The following RNF220 variants were observed in gnomAD, a reference collection of about 807,000 sequenced individuals.
The protein encoded by RNF220 is E3 ubiquitin-protein ligase RNF220.
A neutral mutation model predicts 67.1 loss-of-function variants in RNF220; 7 were observed. The ratio of observed to expected loss-of-function variants is 0.10; its 90% CI spans 0.06 to 0.20. The LOEUF is 0.20. Among genes scored for constraint, RNF220 ranks in the 10% least tolerant of loss-of-function variants. RNF220 has a pLI of 1.00. For synonymous variants in RNF220, 270 were observed against 283.2 expected (o/e 0.95, Z 0.47); for missense variants, 565 against 740.3 (o/e 0.76, Z 2.75).
At chr1:44,483,683 G>A (rs142643854) in intron 2 of RNF220, among the ~76,000 whole-genome samples, 5 of 152,202 alleles carry the variant, frequency 3.3e-5, no homozygotes, top group African/African-American at 9.7e-5. Flanking sequence ...AGAACATAGC[G>A]GTGGCAGGCT....
At chr1:44,572,010 C>T (rs1664478348) in intron 2 of RNF220, among the ~76,000 whole-genome samples, 1 of 152,246 alleles carries the variant, frequency 6.6e-6, no homozygotes, top group African/African-American at 2.4e-5. Context: ...GGCCACATTG[C>T]CATCTCTCAC....
intron 2 of RNF220, among the ~76,000 whole-genome samples, chr1:44,454,629 T>A (rs989637180): frequency 3.3e-5 from 5 of 151,948 alleles, no homozygotes; most frequent in African/African-American, 1.2e-4. Flanking sequence ...TTTCAGTCTA[T>A]CTTTACTAAT....
chr1:44,608,342 A>G (rs542500152), intron 2 of RNF220, among the ~76,000 whole-genome samples: 2 of 152,316 alleles, frequency 1.3e-5, no homozygotes, highest in African/African-American at 4.8e-5. Context: ...ATTGTCTGGC[A>G]TCTGTGCTAT....
rs140691062 is a variant in RNF220 at position 44,624,972 on chromosome 1, C to T, written c.805-1325C>T. Among the ~76,000 whole-genome samples the T allele has an allele frequency of 3.5e-3, 527 of 151,490 alleles. 4 individuals are homozygous for T. Among genetic ancestry groups the T allele is most frequent in the African/African-American group, 0.012 (494 of 41,274 alleles). On this transcript the variant is annotated intron_variant, in intron 4 of 14. Transcript: ENST00000361799. The surrounding 1 kb of genome is among the most constrained non-coding windows in gnomAD (Gnocchi z 4.2). ...AAGCACCAGTGACCTTTTTTTATTC[C>T]GCTTGCCCCAGGTGTAATGCCGAGG...
intron 1 of RNF220, among the ~76,000 whole-genome samples, chr1:44,407,204 G>T (rs1411867051): frequency 6.6e-6 from 1 of 152,146 alleles, no homozygotes; most frequent in Non-Finnish European, 1.5e-5. Context: ...CACCGCACTC[G>T]CTGCCCACGA....
chr1:44,532,144 A>G (rs1660883912), intron 2 of RNF220, among the ~76,000 whole-genome samples: 1 of 152,078 alleles, frequency 6.6e-6, no homozygotes, highest in African/African-American at 2.4e-5. Flanking sequence ...CTTCACATAC[A>G]TTTATTATTA....
At chr1:44,501,457 G>T (rs929681449) in intron 2 of RNF220, among the ~76,000 whole-genome samples, 2 of 152,132 alleles carry the variant, frequency 1.3e-5, no homozygotes, top group African/African-American at 4.8e-5. Context: ...AGAAAGGCTG[G>T]GGATGGGTGA....
chr1:44,465,287 A>G (rs376616429), intron 2 of RNF220, among the ~76,000 whole-genome samples: 3 of 152,200 alleles, frequency 2.0e-5, no homozygotes. Context: ...TCTTCCTCCC[A>G]TAGTCACAAT....
chr1:44,579,617 C>T (rs1026552912), intron 2 of RNF220, among the ~76,000 whole-genome samples: 10 of 152,294 alleles, frequency 6.6e-5, no homozygotes, highest in East Asian at 3.9e-4. Flanking sequence ...GACACTCATC[C>T]GAGACAACCA....
chr1:44,586,560 C>T lies in RNF220; in HGVS notation c.626-27605C>T, dbSNP rs989298627. Among the ~76,000 whole-genome samples the T allele has an allele frequency of 7.2e-5, 11 of 152,106 alleles. No individual in the cohort carries two copies. The East Asian group carries it at 1.2e-3, about 16-fold the overall frequency. On this transcript the variant is annotated intron_variant, in intron 2 of 14. Coordinates refer to ENST00000361799, the MANE Select transcript of RNF220 (RefSeq NM_018150.4). Reference sequence around the variant, plus strand: ...ACAGCGATAAGAGCTCCATCCCAGACGGTGGGGAAGGAAATGAGGCGACAG... The same window carrying T: ...ACAGCGATAAGAGCTCCATCCCAGATGGTGGGGAAGGAAATGAGGCGACAG...
At chr1:44,472,754 A>G (rs767090865) in intron 2 of RNF220, among the ~76,000 whole-genome samples, 1 of 152,010 alleles carries the variant, frequency 6.6e-6, no homozygotes, top group Non-Finnish European at 1.5e-5. Flanking sequence ...AGAGGTGGGG[A>G]TATTTTGCTT....
chr1:44,569,518 A>T (rs1349137909), intron 2 of RNF220, among the ~76,000 whole-genome samples: 1 of 152,192 alleles, frequency 6.6e-6, no homozygotes, highest in Admixed American at 6.5e-5. Flanking sequence ...TATTCACTTT[A>T]CTAATTGAGC....
Position 44,411,986 on chromosome 1 carries a change from A to G in RNF220, c.-112A>G. 1 of 1,227,716 alleles carries G rather than the reference A, an allele frequency of 8.1e-7. No homozygotes were observed. Among genetic ancestry groups the G allele is most frequent in the Non-Finnish European group, 1.1e-6 (1 of 879,992 alleles). 76.1% of individuals were successfully genotyped at this position (1,227,716 alleles called of 1,614,324 possible). ...TCTCTTTGCTGTTTCTACAGGTCTT[A>G]GGAGGGAATGATTCCCCAGTAATAT... On this transcript the variant is annotated 5_prime_UTR_variant, in exon 2 of 15. Coordinates refer to ENST00000361799, the MANE Select transcript of RNF220 (RefSeq NM_018150.4).
chr1:44,464,028 C>T (rs958965830), intron 2 of RNF220, among the ~76,000 whole-genome samples: 1 of 152,154 alleles, frequency 6.6e-6, no homozygotes, highest in Admixed American at 6.5e-5. Context: ...GCAGAGAAAT[C>T]TGACAGAAAT....
intron 2 of RNF220, among the ~76,000 whole-genome samples, chr1:44,573,670 A>C (rs962864485): frequency 6.6e-6 from 1 of 152,234 alleles, no homozygotes; most frequent in Non-Finnish European, 1.5e-5. Flanking sequence ...ATTTGGAATT[A>C]ATAGACTATA....
At chr1:44,513,858 T>C (rs77578381) in intron 2 of RNF220, among the ~76,000 whole-genome samples, 24,253 of 152,168 alleles carry the variant, frequency 0.16, 2,367 homozygotes, top group Non-Finnish European at 0.21. Flanking sequence ...ATGGGCATCT[T>C]ATGCCACATC....
intron 2 of RNF220, among the ~76,000 whole-genome samples, chr1:44,458,599 A>G (rs986433632): frequency 1.3e-5 from 2 of 152,184 alleles, no homozygotes; most frequent in Non-Finnish European, 2.9e-5. Flanking sequence ...CCCACACCCA[A>G]TTCAATAGCA....
chr1:44,614,411 AC>A, intron 3 of RNF220, 114 bp downstream of exon 3: 1 of 1,124,304 alleles, frequency 8.9e-7, no homozygotes, highest in Non-Finnish European at 1.3e-6. Flanking sequence ...AAAAGACAGG[AC>A]CCTGCCACCC....
chr1:44,409,903 A>T (rs956419312), intron 1 of RNF220, among the ~76,000 whole-genome samples: 2 of 150,164 alleles, frequency 1.3e-5, no homozygotes, highest in Non-Finnish European at 3.0e-5. Flanking sequence ...AAAAAAAAGA[A>T]AAAAAGCACT....
Sources: gnomAD v4.1 joint callset for allele counts (sites outside exome capture counted in the v4.1 genomes callset) on GRCh38, gnomAD v4.1.1 for gene constraint, Gnocchi (gnomAD v3.1) non-coding constraint, MANE v1.5 for transcripts, NCBI Gene and HGNC (gene_info 2026-07-23, HGNC 2026-07-21) for gene names.